LRPPRC: variants seen among roughly 807,000 people sequenced by gnomAD.
LRPPRC encodes leucine-rich PPR motif-containing protein, mitochondrial.
LRPPRC carries 120 observed loss-of-function variants against 180.3 expected under a neutral mutation model. The observed-to-expected ratio is 0.67, with a 90% confidence interval of 0.57 to 0.77. The LOEUF is 0.77. Among genes scored for constraint, LRPPRC ranks in the 30% least tolerant of loss-of-function variants. The probability of loss-of-function intolerance (pLI) is 0.00; values close to 1 mark genes in which losing one functional copy is unlikely to be tolerated. For synonymous variants in LRPPRC, 723 were observed against 600.0 expected, an observed-to-expected ratio of 1.21 and a Z score of -3.00; for missense variants, 2,012 against 1,657.2, an observed-to-expected ratio of 1.21 and a Z score of -3.72.
intron 31 of LRPPRC, 161 bp from the exon 32 acceptor site, chr2:43,901,685 AC>A (rs1312837711): frequency 1.6e-6 from 1 of 621,850 alleles, no homozygotes. Flanking sequence ...TTCATGAGAT[AC>A]CCCCAAAAAT....
Position 43,918,369 on chromosome 2 carries a change from C to T in LRPPRC, c.2926G>A (p.Ala976Thr), listed in dbSNP as rs1274777412. ...TCTTCTTGGATTTTATTCCAGACTG[C>T]ATCAGCTCTTTGCCAGTCACCGTTT... ...KINGDWQRAD[A>T]VWNKIQEENV... Residue 976 changes from alanine (A) to threonine (T), a missense_variant, in exon 28 of 38, where the codon GCA becomes ACA. Transcript: ENST00000260665. 1 of 1,610,886 alleles carries T rather than the reference C, an allele frequency of 6.2e-7. No homozygotes were observed. The highest frequency in any genetic ancestry group is 8.5e-7 in the Non-Finnish European group (1 of 1,177,136).
intron 32 of LRPPRC, among the ~76,000 whole-genome samples, chr2:43,901,104 T>G (rs1670867040): frequency 6.6e-6 from 1 of 152,178 alleles, no homozygotes; most frequent in African/African-American, 2.4e-5. Flanking sequence ...GGAGCAAGAT[T>G]TATGAATTTG....
At position 43,990,842 on chromosome 2, in the gene LRPPRC, CTTTTTT is replaced by C. The variant is rs11443325; in HGVS notation, c.149+4951_149+4956del. Among the ~76,000 whole-genome samples, 862 of 134,658 alleles carry C rather than the reference CTTTTTT, an allele frequency of 6.4e-3. 9 individuals carry two copies. The highest frequency in any genetic ancestry group is 0.023 in the African/African-American group (818 of 36,088). 88.3% of individuals were successfully genotyped at this position (134,658 alleles called of 152,430 possible). A position where few individuals can be genotyped will look rare whatever the true frequency, so the allele number is the denominator to read the frequency against. ...AGAACCCCAAAGGACCCATCAGGTT[CTTTTTT>C]TTTTTTTTTTTAATTGAGATGGAGT... On this transcript the variant is annotated intron_variant, in intron 1 of 37. Coordinates refer to ENST00000260665, the MANE Select transcript of LRPPRC (RefSeq NM_133259.4).
rs561686123 is a variant in LRPPRC at position 43,891,262 on chromosome 2, TG to T, written c.3986-1387del. Reference sequence around the variant, plus strand: ...TTGATTTTCTACCTTCCTCCCAAAATGGATTACCTAATTTAGTAGTAACACA... The same window carrying T: ...TTGATTTTCTACCTTCCTCCCAAAATGATTACCTAATTTAGTAGTAACACA... On this transcript the variant is annotated intron_variant, in intron 36 of 37. Transcript: ENST00000260665. Among the ~76,000 whole-genome samples the T allele has an allele frequency of 8.1e-4, 123 of 152,354 alleles. 1 individual carries two copies. Among genetic ancestry groups the T allele is most frequent in the African/African-American group, 2.6e-3 (107 of 41,590 alleles).
Position 43,995,893 on chromosome 2 carries a change from G to A in LRPPRC, c.55C>T (p.Arg19Cys). Residue 19 changes from arginine to cysteine, a missense_variant, in exon 1 of 38, where the codon CGC (arginine) becomes TGC (cysteine). By Grantham distance (180) the Arg-to-Cys change is radical. Transcript: ENST00000260665. Reference protein sequence around the residue: ...RWLLRAGAAPRLPLSLRLLPG... With the variant: ...RWLLRAGAAPCLPLSLRLLPG... ...AGGAGGCGCAGGGAGAGCGGGAGGC[G>A]CGGGGCCGCCCCGGCACGCAGCAAC... 2 of 1,509,870 alleles carry A rather than the reference G, an allele frequency of 1.3e-6. No homozygotes were observed. The highest frequency in any genetic ancestry group is 1.4e-5 in the African/African-American group (1 of 69,742). The allele number at this position is 1,509,870 out of a possible 1,614,324, so 93.5% of individuals were successfully genotyped here. A position where few individuals can be genotyped will look rare whatever the true frequency, so the allele number is the denominator to read the frequency against.
In LRPPRC at chr2:43,946,239, A is replaced by T. The variant is rs753483438; in HGVS notation, c.2084T>A (p.Met695Lys). 1.2e-6 allele frequency: 2 copies of T among 1,609,774 alleles called. No individual in the cohort carries two copies. Residue 695 changes from methionine to lysine, a missense_variant, in exon 21 of 38, where the codon ATG (methionine) becomes AAG (lysine). Transcript: ENST00000260665. The stretch of plus-strand genomic sequence containing the variant: ...TGCTTTCAATTCAAGGGCTTTTTGC[A>T]TATTCTAAAATACAGCATAGATGTG... ...LILVLCSEEN[M>K]QKALELKAKY... is the part of the protein sequence containing the mutation.
At chr2:43,974,813 T>C in intron 7 of LRPPRC, 55 bp from the exon 8 acceptor site, 1 of 1,539,732 alleles carries the variant, frequency 6.5e-7, no homozygotes, top group Non-Finnish European at 9.0e-7. Context: ...TATTTAAGTA[T>C]TAAAGCTAAA....
intron 36 of LRPPRC, 44 bp from the exon 37 acceptor site, chr2:43,889,920 C>T: frequency 6.9e-7 from 1 of 1,450,954 alleles, no homozygotes. Flanking sequence ...TAAAGACAAC[C>T]TATCTTACTC....
chr2:43,891,844 T>C (rs1236201955), intron 36 of LRPPRC, among the ~76,000 whole-genome samples: 1 of 152,264 alleles, frequency 6.6e-6, no homozygotes, highest in East Asian at 1.9e-4. Context: ...GCTAGGCTTC[T>C]TGCGTGGAAC....
In LRPPRC at chr2:43,978,922, G is replaced by A. The variant is rs867968190; in HGVS notation, c.469+904C>T. Among the ~76,000 whole-genome samples, 23 of 152,080 alleles carry A rather than the reference G, an allele frequency of 1.5e-4. No individual in the cohort carries two copies. The East Asian group carries it at 1.7e-3, about 11-fold the overall frequency. On this transcript the variant is annotated intron_variant, in intron 3 of 37. Coordinates refer to ENST00000260665, the MANE Select transcript of LRPPRC (RefSeq NM_133259.4). Reference sequence around the variant, plus strand: ...GCTAATTACTGTGAGCTGATTTTCTGGGATTTTGCAGATTAAACAATCACA... The same window carrying A: ...GCTAATTACTGTGAGCTGATTTTCTAGGATTTTGCAGATTAAACAATCACA...
chr2:43,892,220 A>AAAAC (rs1326071329), intron 36 of LRPPRC, among the ~76,000 whole-genome samples: 1 of 152,266 alleles, frequency 6.6e-6, no homozygotes, highest in Non-Finnish European at 1.5e-5. Context: ...CCATGTAGAT[A>AAAAC]AAACAGTCTT....
intron 23 of LRPPRC, among the ~76,000 whole-genome samples, chr2:43,937,508 G>A (rs1358282873): frequency 5.9e-5 from 9 of 152,020 alleles, no homozygotes; most frequent in East Asian, 1.9e-4. Flanking sequence ...AGGTGATGAC[G>A]GAAATGAAAA....
At chr2:43,951,576 A>C (rs1672904252) in intron 14 of LRPPRC, among the ~76,000 whole-genome samples, 1 of 152,150 alleles carries the variant, frequency 6.6e-6, no homozygotes, top group African/African-American at 2.4e-5. Flanking sequence ...GTAAGTTCTG[A>C]GATATATACT....
intron 25 of LRPPRC, among the ~76,000 whole-genome samples, chr2:43,932,456 C>A (rs1672126055): frequency 6.6e-6 from 1 of 152,104 alleles, no homozygotes; most frequent in South Asian, 2.1e-4. Context: ...ATTCTTCACC[C>A]TTTAAAAAAT....
Position 43,909,893 on chromosome 2 carries a change from T to C in LRPPRC, c.3275+2539A>G, listed in dbSNP as rs1213139284. Reference sequence around the variant, plus strand: ...AAATAGACGGTCATGCTTACAACTATCTTCCAGGTCAGCAGTTTCAACCTT... The same window carrying C: ...AAATAGACGGTCATGCTTACAACTACCTTCCAGGTCAGCAGTTTCAACCTT... On this transcript the variant is annotated intron_variant, in intron 30 of 37. Transcript: ENST00000260665. 4.6e-5 allele frequency among the ~76,000 whole-genome samples: 7 copies of C among 152,170 alleles called. No individual in the cohort carries two copies. The East Asian group carries it at 1.3e-3, about 29-fold the overall frequency.
intron 30 of LRPPRC, among the ~76,000 whole-genome samples, chr2:43,910,120 C>T (rs1208850847): frequency 2.0e-5 from 3 of 151,988 alleles, no homozygotes; most frequent in African/African-American, 7.3e-5. Context: ...ATGTCATGAC[C>T]CACTAATTGG....
intron 11 of LRPPRC, among the ~76,000 whole-genome samples, chr2:43,972,574 T>G (rs1253686671): frequency 6.6e-6 from 1 of 152,220 alleles, no homozygotes; most frequent in Non-Finnish European, 1.5e-5. Flanking sequence ...AGGTTACCTT[T>G]TGGAGCTTTC....
intron 23 of LRPPRC, among the ~76,000 whole-genome samples, chr2:43,941,516 C>A (rs1344984569): frequency 6.6e-6 from 1 of 152,096 alleles, no homozygotes; most frequent in Admixed American, 6.6e-5. Context: ...GAAGATTATA[C>A]ACATTTAATC....
At chr2:43,898,071 T>TAAAAAAAAAAAAAAAAAAAAAAAA (rs61550367) in intron 34 of LRPPRC, among the ~76,000 whole-genome samples, 2 of 115,942 alleles carry the variant, frequency 1.7e-5, no homozygotes, top group African/African-American at 3.2e-5. Context: ...TCCTTAAAAT[T>TAAAAAAAAAAAAAAAAAAAAAAAA]AAAAAAAAAA....
Sources: allele counts gnomAD v4.1 joint callset (sites outside exome capture counted in the v4.1 genomes callset), GRCh38; gene constraint gnomAD v4.1.1; transcripts MANE v1.5; gene names NCBI Gene and HGNC (gene_info 2026-07-23, HGNC 2026-07-21).